Variants in DNAJC13 observed in about 807,000 individuals in gnomAD.
DNAJC13 encodes the protein DnaJ heat shock protein family (Hsp40) member C13, also known as dnaJ homolog subfamily C member 13.
DNAJC13 carries 75 observed loss-of-function variants against 290.5 expected under a neutral mutation model. The ratio of observed to expected loss-of-function variants is 0.26; its 90% CI spans 0.21 to 0.31. The LOEUF (loss-of-function observed/expected upper bound fraction) is 0.31. DNAJC13 is among the 10% of genes least tolerant of loss of function. The pLI, the probability that DNAJC13 is intolerant of heterozygous loss-of-function variation, is 1.00. For synonymous variants in DNAJC13, 862 were observed against 892.0 expected (o/e 0.97, Z 0.60); for missense variants, 2,260 against 2,674.5 (o/e 0.85, Z 3.42).
At chr3:132,488,622 T>C (rs1342151854) in intron 30 of DNAJC13, among the ~76,000 whole-genome samples, 170 bp downstream of exon 30, 8 of 152,166 alleles carry the variant, frequency 5.3e-5, no homozygotes. Context: ...GGAAAATTAC[T>C]CAGAATTGTA....
intron 39 of DNAJC13, 29 bp from the exon 40 acceptor site, chr3:132,502,260 A>T (rs1378020282): frequency 1.3e-6 from 2 of 1,530,406 alleles, no homozygotes; most frequent in Non-Finnish European, 8.8e-7. Context: ...ACTCTGTAAC[A>T]ACTAATGCTC....
intron 38 of DNAJC13, among the ~76,000 whole-genome samples, chr3:132,500,549 A>G (rs1048423144): frequency 2.0e-5 from 3 of 152,204 alleles, no homozygotes; most frequent in African/African-American, 7.2e-5. Context: ...CTTTGGCAGT[A>G]CAAAGACCAT....
At chr3:132,483,288 T>C (rs1156282081) in intron 27 of DNAJC13, 87 bp from the exon 28 acceptor site, 1 of 1,131,344 alleles carries the variant, frequency 8.8e-7, no homozygotes, top group Non-Finnish European at 1.3e-6. Flanking sequence ...TTTCATAATT[T>C]AGTATGTATT....
At chr3:132,496,451 T>G in intron 35 of DNAJC13, 77 bp from the exon 36 acceptor site, 1 of 1,278,280 alleles carries the variant, frequency 7.8e-7, no homozygotes, top group Non-Finnish European at 1.1e-6. Context: ...ACTGATAAAA[T>G]GCAAACCATA....
chr3:132,500,379 T>C (rs1371042051), intron 38 of DNAJC13, among the ~76,000 whole-genome samples: 2 of 152,244 alleles, frequency 1.3e-5, no homozygotes, highest in Non-Finnish European at 2.9e-5. Context: ...GCTATGTTAA[T>C]AAACTATACA....
rs114943881 is a variant in DNAJC13, at chr3:132,534,220, C to T, written c.6625+3123C>T. Among the ~76,000 whole-genome samples the T allele has an allele frequency of 4.2e-3, 644 of 152,168 alleles. 3 individuals carry two copies. The highest frequency in any genetic ancestry group is 0.015 in the African/African-American group (606 of 41,488). ...CATTACTGAAGCCTGCAGACGTGTC[C>T]ATGTAGAACAGTCTGGATAAGCTGT... On this transcript the variant is annotated intron_variant, in intron 55 of 55. Transcript: ENST00000260818.
intron 20 of DNAJC13, among the ~76,000 whole-genome samples, chr3:132,467,956 T>C (rs1306761602): frequency 6.6e-6 from 1 of 152,228 alleles, no homozygotes; most frequent in East Asian, 1.9e-4. Context: ...GACTTTGTTT[T>C]GCACCTATAA....
At chr3:132,484,812 C>A in intron 29 of DNAJC13, 140 bp downstream of exon 29, 1 of 726,600 alleles carries the variant, frequency 1.4e-6, no homozygotes, top group Non-Finnish European at 2.3e-6. Context: ...CTCACACCTC[C>A]AATCCCAGCA....
At chr3:132,504,309 GGT>G (rs1491557579) in intron 41 of DNAJC13, among the ~76,000 whole-genome samples, 4 of 90,778 alleles carry the variant, frequency 4.4e-5, no homozygotes, top group African/African-American at 1.5e-4. Context: ...AGATGCTACT[GGT>G]TTTTTTTTTT....
In DNAJC13 at chr3:132,523,669, C is replaced by A; in HGVS notation, c.6016C>A (p.Leu2006Met). ...AAAGCCTAGAGAATTTCTTATTGCC[C>A]TGTTAGAAAAATTAACTGAGCTCCT... ...LRKPREFLIA[L>M]LEKLTELLEK... Residue 2006 changes from leucine to methionine, a missense_variant, in exon 51 of 56, where the codon CTG (leucine) becomes ATG (methionine). Around this residue, in one of 3 missense-constraint regions of DNAJC13, gnomAD observed 1,494 missense variants for 1,693.7 expected, o/e 0.88. Transcript: ENST00000260818. 6.2e-7 allele frequency: 1 copy of A among 1,613,982 alleles called. No homozygotes were observed. Among genetic ancestry groups the A allele is most frequent in the Non-Finnish European group, 8.5e-7 (1 of 1,179,940 alleles).
At chr3:132,480,239 C>A in intron 25 of DNAJC13, 130 bp from the exon 26 acceptor site, 1 of 529,920 alleles carries the variant, frequency 1.9e-6, no homozygotes, top group Non-Finnish European at 3.3e-6. Flanking sequence ...CACTTATTTC[C>A]AAGGACTCCA....
chr3:132,502,876 C>T (rs537627933), intron 40 of DNAJC13, among the ~76,000 whole-genome samples: 2 of 152,264 alleles, frequency 1.3e-5, no homozygotes, highest in South Asian at 4.1e-4. Flanking sequence ...TCATTTATTG[C>T]TCATATTGTA....
intron 20 of DNAJC13, 95 bp from the exon 21 acceptor site, chr3:132,473,046 TGAAA>T: frequency 1.3e-6 from 1 of 779,598 alleles, no homozygotes; most frequent in African/African-American, 1.8e-5. Context: ...CAAAATTTGA[TGAAA>T]GAAATGTTTC....
At chr3:132,448,563 A>T (rs1460892094) in intron 5 of DNAJC13, among the ~76,000 whole-genome samples, 2 of 152,162 alleles carry the variant, frequency 1.3e-5, no homozygotes, top group East Asian at 3.8e-4. Flanking sequence ...TTGAGATATT[A>T]AATTTCTTCC....
At chr3:132,462,940 T>C (rs1933850825) in intron 16 of DNAJC13, among the ~76,000 whole-genome samples, 1 of 152,190 alleles carries the variant, frequency 6.6e-6, no homozygotes. Context: ...ATAAAGCATA[T>C]TTGTAATTGA....
At position 132,538,595 on chromosome 3, in the gene DNAJC13, G is replaced by T; in HGVS notation, c.*313G>T. 1 of 189,658 alleles carries T rather than the reference G, an allele frequency of 5.3e-6. No homozygotes were observed. Among genetic ancestry groups the T allele is most frequent in the Non-Finnish European group, 1.1e-5 (1 of 93,176 alleles). 11.7% of individuals were successfully genotyped at this position (189,658 alleles called of 1,614,324 possible). A position where few individuals can be genotyped will look rare whatever the true frequency, so the allele number is the denominator to read the frequency against. The stretch of plus-strand genomic sequence containing the variant: ...AGACAAAACTTTCTTCCTAGTTTTT[G>T]TAATTTTTTTTTTGAACTAGCATGA... On this transcript the variant is annotated 3_prime_UTR_variant, in exon 56 of 56. Transcript: ENST00000260818.
chr3:132,456,305 A>G lies in DNAJC13; in HGVS notation c.1003A>G (p.Thr335Ala). The change falls in exon 10 of 56, where the codon ACA becomes GCA. Residue 335 changes from threonine (T) to alanine (A), a missense_variant. By Grantham distance (58) the Thr-to-Ala change is moderately conservative. Around this residue, in one of 3 missense-constraint regions of DNAJC13, gnomAD observed 762 missense variants for 964.1 expected, o/e 0.79. Coordinates refer to ENST00000260818, the MANE Select transcript of DNAJC13 (RefSeq NM_015268.4). ...SGNRDVCVKM[T>A]PTHKGQRWGL... The stretch of plus-strand genomic sequence containing the variant: ...TAATAGAGATGTTTGTGTAAAAATG[A>G]CACCAACCCATAAAGGTCAGCGATG... 2 of 1,613,982 alleles carry G rather than the reference A, an allele frequency of 1.2e-6. No individual in the cohort carries two copies. The highest frequency in any genetic ancestry group is 8.5e-7 in the Non-Finnish European group (1 of 1,179,894).
chr3:132,493,169 G>A (rs149292210), intron 33 of DNAJC13, among the ~76,000 whole-genome samples: 2 of 149,016 alleles, frequency 1.3e-5, no homozygotes, highest in Non-Finnish European at 3.0e-5. Flanking sequence ...CAATGAGTGC[G>A]ACCTGCTCAT....
Position 132,453,699 on chromosome 3 carries a change from GT to G in DNAJC13, c.840+8del. 1 of 1,597,986 alleles carries G rather than the reference GT, an allele frequency of 6.3e-7. No homozygotes were observed. The highest frequency in any genetic ancestry group is 1.1e-5 in the South Asian group (1 of 87,304). On this transcript the variant is annotated splice_donor_region_variant and intron_variant, in intron 8 of 55. Coordinates refer to ENST00000260818, the MANE Select transcript of DNAJC13 (RefSeq NM_015268.4). ...ACATTGAAGCCTTTAGGAGAAGTAA[GT>G]TTCAGCATTGTTAGCTTAAATGAGA... is the stretch of plus-strand genomic sequence containing the variant.
Sources: gnomAD v4.1 joint callset for allele counts (sites outside exome capture counted in the v4.1 genomes callset) on GRCh38, gnomAD v4.1.1 for gene constraint, gnomAD v4.1.1 regional missense constraint, MANE v1.5 for transcripts, NCBI Gene and HGNC (gene_info 2026-07-23, HGNC 2026-07-21) for gene names.